UNC13A: variants seen among roughly 807,000 people sequenced by gnomAD.
UNC13A encodes unc-13 homolog A.
UNC13A carries 61 observed loss-of-function variants against 219.7 expected under a neutral mutation model. That is an observed-to-expected ratio of 0.28 (90% confidence interval 0.23 to 0.34). UNC13A has a LOEUF of 0.34. UNC13A is among the 10% of genes least tolerant of loss of function. The pLI is 1.00. For missense variants in UNC13A, 1,476 were observed against 2,270.3 expected, an observed-to-expected ratio of 0.65 and a Z score of 7.11; for synonymous variants, 920 against 884.6, an observed-to-expected ratio of 1.04 and a Z score of -0.71.
At chr19:17,666,883 AGAG>A (rs1264517325) in intron 6 of UNC13A, among the ~76,000 whole-genome samples, 179 bp from the exon 7 acceptor site, 2 of 110,728 alleles carry the variant, frequency 1.8e-5, no homozygotes, top group Non-Finnish European at 3.7e-5. Context: ...CACACACACG[AGAG>A]AGAGAGAGAG....
intron 17 of UNC13A, among the ~76,000 whole-genome samples, chr19:17,646,569 C>A (rs2077029443): frequency 6.6e-6 from 1 of 152,182 alleles, no homozygotes; most frequent in South Asian, 2.1e-4. Context: ...GGAAGGTGCC[C>A]CAGCTGCCTT....
chr19:17,656,123 T>C lies in UNC13A; in HGVS notation c.1043A>G (p.Glu348Gly). ...PEDEEELEEE[E>G]EEVPDDLGSY... ...GCCCAAATCGTCAGGCACCTCCTCC[T>C]CCTCCTCCTCCAGCTCCTCCTCATC... The change falls in exon 10 of 44, where the codon GAG becomes GGG. Residue 348 changes from glutamate (E) to glycine (G), a missense_variant. Transcript: ENST00000519716. 6.5e-7 allele frequency: 1 copy of C among 1,549,020 alleles called. No homozygotes were observed. Among genetic ancestry groups the C allele is most frequent in the Middle Eastern group, 1.7e-4 (1 of 5,982 alleles).
At chr19:17,644,546 C>T (rs2077005176) in intron 19 of UNC13A, among the ~76,000 whole-genome samples, 1 of 114,332 alleles carries the variant, frequency 8.7e-6, no homozygotes, top group East Asian at 2.6e-4. Flanking sequence ...TTTTTTGAGA[C>T]GGAGTCTTCC....
intron 10 of UNC13A, 119 bp downstream of exon 10, chr19:17,655,764 A>G: frequency 1.4e-6 from 2 of 1,422,980 alleles, no homozygotes; most frequent in South Asian, 3.2e-5. Flanking sequence ...TAAGAAACCC[A>G]AGAGCCTGTG....
At chr19:17,641,340 T>G in intron 21 of UNC13A, 53 bp downstream of exon 21, 1 of 1,594,162 alleles carries the variant, frequency 6.3e-7, no homozygotes, top group Non-Finnish European at 8.6e-7. Context: ...GACCTGCCAG[T>G]GCCCACTTGG....
chr19:17,606,321 A>G lies in UNC13A; in HGVS notation c.4845T>C (p.Tyr1615=), dbSNP rs1288785357. Residue 1615 remains tyrosine (Y), a synonymous_variant, in exon 44 of 44, where the codon TAT becomes TAC. Coordinates refer to ENST00000519716, the MANE Select transcript of UNC13A (RefSeq NM_001080421.3). The stretch of plus-strand genomic sequence containing the variant: ...AGTCCTTGACGCACACCTGCAGCTC[A>G]TAGCACTCGGGACCCGCGTCGGCGC... The part of the protein sequence containing the change: ...TLSADAGPEC[Y]ELQVCVKDYC... 1.9e-6 allele frequency: 3 copies of G among 1,548,624 alleles called. No homozygotes were observed. Among genetic ancestry groups the G allele is most frequent in the African/African-American group, 2.7e-5 (2 of 72,932 alleles).
At chr19:17,633,764 C>T (rs565153919) in intron 26 of UNC13A, among the ~76,000 whole-genome samples, 54 of 151,318 alleles carry the variant, frequency 3.6e-4, no homozygotes, top group Non-Finnish European at 5.7e-4. Flanking sequence ...CACTCATTCA[C>T]TCATTCATCC....
intron 1 of UNC13A, among the ~76,000 whole-genome samples, chr19:17,685,021 GTATGCATCA>G (rs1339715111): frequency 6.6e-6 from 1 of 152,162 alleles, no homozygotes; most frequent in East Asian, 1.9e-4. Context: ...GTATTTACTT[GTATGCATCA>G]TCATCCACTT....
chr19:17,606,305 C>T lies in UNC13A; in HGVS notation c.4861G>A (p.Val1621Ile). Residue 1621 changes from valine to isoleucine, a missense_variant, in exon 44 of 44, where the codon GTC becomes ATC. Val to Ile is a conservative substitution (Grantham distance 29). This residue lies in a region of UNC13A where 187 missense variants were observed against 172.3 expected (regional missense o/e 1.09). Coordinates refer to ENST00000519716, the MANE Select transcript of UNC13A (RefSeq NM_001080421.3). ...TCGCGCGCGAAGCAGTAGTCCTTGA[C>T]GCACACCTGCAGCTCATAGCACTCG... ...GPECYELQVC[V>I]KDYCFAREDR... is the part of the protein sequence containing the mutation. 2 of 1,549,686 alleles carry T rather than the reference C, an allele frequency of 1.3e-6. No individual in the cohort carries two copies. Among genetic ancestry groups the T allele is most frequent in the Non-Finnish European group, 1.7e-6 (2 of 1,147,662 alleles).
At chr19:17,610,151 A>G in intron 42 of UNC13A, 52 bp from the exon 43 acceptor site, 1 of 1,608,640 alleles carries the variant, frequency 6.2e-7, no homozygotes, top group Non-Finnish European at 8.5e-7. Context: ...AGTTGGAAAA[A>G]GTAGATGTTT....
intron 22 of UNC13A, among the ~76,000 whole-genome samples, chr19:17,640,132 T>C (rs1410480602): frequency 6.6e-6 from 1 of 152,024 alleles, no homozygotes; most frequent in Admixed American, 6.6e-5. Context: ...ACTCCTAGGC[T>C]CAAGCAATTC....
chr19:17,631,933 C>A (rs184036650), intron 28 of UNC13A, among the ~76,000 whole-genome samples: 16 of 151,916 alleles, frequency 1.1e-4, no homozygotes, highest in Non-Finnish European at 1.9e-4. Flanking sequence ...GTTTTTGAGA[C>A]GGAGTCTCAC....
chr19:17,613,345 G>A (rs913886219), intron 41 of UNC13A, among the ~76,000 whole-genome samples: 1 of 152,066 alleles, frequency 6.6e-6, no homozygotes, highest in Non-Finnish European at 1.5e-5. Flanking sequence ...GCTGGTTGAG[G>A]CTGCAGTGAG....
At chr19:17,618,166 C>T (rs2076688580) in intron 40 of UNC13A, among the ~76,000 whole-genome samples, 1 of 152,186 alleles carries the variant, frequency 6.6e-6, no homozygotes, top group African/African-American at 2.4e-5. Context: ...TGGGCTCCCC[C>T]AGCCCACATC....
rs571325205 is a variant in UNC13A, at chr19:17,605,949, C to G, written c.*105G>C. ...GCGCAGCCCACCCTTGGCGTGGAGC[C>G]CCCCGAGCCCCGCCCCTGGGGAGGT... On this transcript the variant is annotated 3_prime_UTR_variant, in exon 44 of 44. Coordinates refer to ENST00000519716, the MANE Select transcript of UNC13A (RefSeq NM_001080421.3). The G allele has an allele frequency of 1.2e-5, 13 of 1,099,632 alleles. No individual in the cohort carries two copies. Among genetic ancestry groups the G allele is most frequent in the East Asian group, 3.3e-5 (1 of 30,620 alleles). The allele number at this position is 1,099,632 out of a possible 1,614,324, so 68.1% of individuals were successfully genotyped here.
chr19:17,664,688 G>A (rs1392723972), intron 7 of UNC13A, among the ~76,000 whole-genome samples: 1 of 152,176 alleles, frequency 6.6e-6, no homozygotes, highest in Non-Finnish European at 1.5e-5. Context: ...GCGGGGGTTT[G>A]TAATTCCTTC....
intron 7 of UNC13A, among the ~76,000 whole-genome samples, chr19:17,664,807 C>T (rs967154302): frequency 3.3e-5 from 5 of 152,168 alleles, no homozygotes; most frequent in African/African-American, 9.7e-5. Context: ...CCCAAGCCCT[C>T]CTCAACCCCG....
chr19:17,684,879 T>G (rs1383809932), intron 1 of UNC13A, among the ~76,000 whole-genome samples: 1 of 152,228 alleles, frequency 6.6e-6, no homozygotes, highest in African/African-American at 2.4e-5. Flanking sequence ...GTGTGTGAGC[T>G]TGTGGGTGAT....
In UNC13A at chr19:17,631,202, CCCTTCCTT is replaced by C. The variant is rs1219861577; in HGVS notation, c.3429-460_3429-453del. Among the ~76,000 whole-genome samples, 33 of 53,440 alleles carry C rather than the reference CCCTTCCTT, an allele frequency of 6.2e-4. 1 individual carries two copies. The highest frequency in any genetic ancestry group is 2.9e-3 in the African/African-American group (32 of 11,212). 35.1% of individuals were successfully genotyped at this position (53,440 alleles called of 152,430 possible). ...CCTTTCCTTCCTTCCCTCCCTCCCT[CCCTTCCTT>C]CCTTCCTTCCTTCTTCCTTCCTTCC... is the stretch of plus-strand genomic sequence containing the variant. On this transcript the variant is annotated intron_variant, in intron 28 of 43. Coordinates refer to ENST00000519716, the MANE Select transcript of UNC13A (RefSeq NM_001080421.3).
Sources: gnomAD v4.1 joint callset for allele counts (sites outside exome capture counted in the v4.1 genomes callset) on GRCh38, gnomAD v4.1.1 for gene constraint, gnomAD v4.1.1 regional missense constraint, MANE v1.5 for transcripts, NCBI Gene and HGNC (gene_info 2026-07-23, HGNC 2026-07-21) for gene names.